NCAM2: variants seen among roughly 807,000 people sequenced by gnomAD.
NCAM2 encodes N-CAM-2.
In NCAM2, 30 loss-of-function variants were observed where a neutral mutation model predicts 98.1. The observed-to-expected ratio is 0.31, with a 90% CI of 0.23 to 0.41. The LOEUF (loss-of-function observed/expected upper bound fraction) is 0.41. Ranked by LOEUF, NCAM2 falls within the 10% of genes least tolerant of loss-of-function variation. The pLI, the probability that NCAM2 is intolerant of heterozygous loss-of-function variation, is 1.00. For synonymous variants in NCAM2, 368 were observed against 342.4 expected, an observed-to-expected ratio of 1.07 and a Z score of -0.83; for missense variants, 867 against 1,005.8, an observed-to-expected ratio of 0.86 and a Z score of 1.87.
intron 2 of NCAM2, among the ~76,000 whole-genome samples, chr21:21,281,169 A>T (rs540628037): frequency 6.6e-6 from 1 of 152,100 alleles, no homozygotes; most frequent in Admixed American, 6.6e-5. Context: ...TATTTTTGTT[A>T]ATTTGTTAAT....
At chr21:21,421,276 A>G (rs1210608155) in intron 11 of NCAM2, among the ~76,000 whole-genome samples, 1 of 152,034 alleles carries the variant, frequency 6.6e-6, no homozygotes, top group Non-Finnish European at 1.5e-5. Context: ...ATTGAAAAAT[A>G]TATTTGATTC....
intron 1 of NCAM2, among the ~76,000 whole-genome samples, chr21:21,066,259 A>T (rs2065434506): frequency 6.6e-6 from 1 of 152,068 alleles, no homozygotes; most frequent in African/African-American, 2.4e-5. Flanking sequence ...GTCTTTGAAT[A>T]CAGTTTTTTG....
intron 1 of NCAM2, among the ~76,000 whole-genome samples, chr21:21,250,329 G>A (rs1222497539): frequency 6.6e-6 from 1 of 152,138 alleles, no homozygotes; most frequent in African/African-American, 2.4e-5. Context: ...TTACCTATGA[G>A]TTTAATCTCA....
At chr21:21,457,311 T>C (rs4586719) in intron 12 of NCAM2, among the ~76,000 whole-genome samples, 61,053 of 151,836 alleles carry the variant, frequency 0.4, 13,797 homozygotes, top group Non-Finnish European at 0.51. Context: ...AATTATGACA[T>C]GTGTTGGACA....
At chr21:21,441,024 G>GTTATGTTCA (rs1979180910) in intron 12 of NCAM2, among the ~76,000 whole-genome samples, 1 of 152,130 alleles carries the variant, frequency 6.6e-6, no homozygotes, top group African/African-American at 2.4e-5. Context: ...TCATAACCCT[G>GTTATGTTCA]TAGTCTTCCA....
At chr21:21,300,205 CAGACCTGTGAGAG>C (rs2073658313) in intron 5 of NCAM2, among the ~76,000 whole-genome samples, 1 of 151,934 alleles carries the variant, frequency 6.6e-6, no homozygotes, top group Non-Finnish European at 1.5e-5. Context: ...TGCAAAGTGT[CAGACCTGTGAGAG>C]ACAATCCCCT....
intron 1 of NCAM2, among the ~76,000 whole-genome samples, chr21:21,015,965 C>T (rs2064300441): frequency 6.6e-6 from 1 of 152,120 alleles, no homozygotes; most frequent in Admixed American, 6.5e-5. Context: ...ACTTCGGCCT[C>T]CCAAAATGCT....
chr21:20,998,429 C>T lies in NCAM2; in HGVS notation c.-135C>T. The T allele has an allele frequency of 8.4e-6, 6 of 710,902 alleles. No individual in the cohort carries two copies. Among genetic ancestry groups the T allele is most frequent in the Admixed American group, 6.5e-5 (2 of 30,920 alleles). 44.0% of individuals were successfully genotyped at this position (710,902 alleles called of 1,614,324 possible). On this transcript the variant is annotated 5_prime_UTR_variant, in exon 1 of 18. Transcript: ENST00000400546. ...CAGTCACTTTGCGAGGAGGAGCGCG[C>T]GGGCTGCGGGCGGCTGGGGCACCGC...
At chr21:21,430,276 C>A (rs1163180183) in intron 11 of NCAM2, among the ~76,000 whole-genome samples, 5 of 151,692 alleles carry the variant, frequency 3.3e-5, no homozygotes, top group African/African-American at 1.2e-4. Context: ...AATCCGCCCA[C>A]CTCAGCTTCC....
At chr21:21,084,721 G>GA (rs76364838) in intron 1 of NCAM2, among the ~76,000 whole-genome samples, 10,885 of 152,164 alleles carry the variant, frequency 0.072, 452 homozygotes, top group East Asian at 0.15. Flanking sequence ...TGGAGGTAGG[G>GA]AATGTTATTT....
In NCAM2 at chr21:21,134,116, T is replaced by A. The variant is rs139163782; in HGVS notation, c.55+135498T>A. On this transcript the variant is annotated intron_variant, in intron 1 of 17. Coordinates refer to ENST00000400546, the MANE Select transcript of NCAM2 (RefSeq NM_004540.5). ...TGATGTCTCGCTCTGTCACCCAGGCTGGAGTGCAATGGTGCAATCTTGGCT... is the reference window on the plus strand; with the variant it reads ...TGATGTCTCGCTCTGTCACCCAGGCAGGAGTGCAATGGTGCAATCTTGGCT... Among the ~76,000 whole-genome samples, 1,321 of 150,602 alleles carry A rather than the reference T, an allele frequency of 8.8e-3. 22 individuals carry two copies. Among genetic ancestry groups the A allele is most frequent in the African/African-American group, 0.03 (1,226 of 40,950 alleles).
rs555819529 is a variant in NCAM2, at chr21:21,067,213, A to G, written c.55+68595A>G. On this transcript the variant is annotated intron_variant, in intron 1 of 17. Coordinates refer to ENST00000400546, the MANE Select transcript of NCAM2 (RefSeq NM_004540.5). ...AAAACTTAATTGATTGTAACAATCTATCTTTAAAGCTGGCATGAGAGAGAG... is the reference window on the plus strand; with the variant it reads ...AAAACTTAATTGATTGTAACAATCTGTCTTTAAAGCTGGCATGAGAGAGAG... Among the ~76,000 whole-genome samples, 8 of 152,062 alleles carry G rather than the reference A, an allele frequency of 5.3e-5. No individual in the cohort carries two copies. The East Asian group carries it at 1.5e-3, about 29-fold the overall frequency.
chr21:21,194,229 A>G (rs1395738339), intron 1 of NCAM2, among the ~76,000 whole-genome samples: 2 of 152,130 alleles, frequency 1.3e-5, no homozygotes, highest in African/African-American at 2.4e-5. Flanking sequence ...CAATTAGTAT[A>G]TGTTTTTTTC....
chr21:21,475,413 T>C, intron 14 of NCAM2, among the ~76,000 whole-genome samples: 1 of 152,134 alleles, frequency 6.6e-6, no homozygotes, highest in East Asian at 1.9e-4. Context: ...TTGGTCACTA[T>C]TGTGTTCATG....
At chr21:21,168,871 T>A (rs1412296415) in intron 1 of NCAM2, among the ~76,000 whole-genome samples, 1 of 152,124 alleles carries the variant, frequency 6.6e-6, no homozygotes, top group African/African-American at 2.4e-5. Context: ...TTTTTCCGAC[T>A]TTATCTATAG....
At chr21:21,267,305 A>T (rs558098468) in intron 1 of NCAM2, among the ~76,000 whole-genome samples, 45 of 152,204 alleles carry the variant, frequency 3.0e-4, no homozygotes, top group Non-Finnish European at 5.4e-4. Flanking sequence ...TGTTCTTCAA[A>T]TATTTACTAA....
intron 1 of NCAM2, among the ~76,000 whole-genome samples, chr21:21,173,979 AGTG>A (rs1569108021): frequency 1.3e-5 from 2 of 152,136 alleles, no homozygotes; most frequent in African/African-American, 4.8e-5. Context: ...GCTGGAGTGC[AGTG>A]GCGCAATCTC....
At chr21:21,356,212 C>T (rs1052333326) in intron 8 of NCAM2, among the ~76,000 whole-genome samples, 6 of 152,014 alleles carry the variant, frequency 3.9e-5, no homozygotes, top group South Asian at 4.1e-4. Flanking sequence ...TATCTCACCA[C>T]GTAAATATTT....
rs2069374724 is a variant in NCAM2, at chr21:21,204,862, A to G, written c.56-75716A>G. On this transcript the variant is annotated intron_variant, in intron 1 of 17. Coordinates refer to ENST00000400546, the MANE Select transcript of NCAM2 (RefSeq NM_004540.5). ...AGGAGCTGCTGTAACTCTCCTGACT[A>G]CAATTTTCATATAAATATAGAACGT... is the stretch of plus-strand genomic sequence containing the variant. Among the ~76,000 whole-genome samples, 3 of 152,232 alleles carry G rather than the reference A, an allele frequency of 2.0e-5. No individual in the cohort carries two copies. In the South Asian group the frequency reaches 6.2e-4, roughly 32 times the overall value.
Sources: allele counts gnomAD v4.1 joint callset (sites outside exome capture counted in the v4.1 genomes callset), GRCh38; gene constraint gnomAD v4.1.1; transcripts MANE v1.5; gene names NCBI Gene and HGNC (gene_info 2026-07-23, HGNC 2026-07-21).